The following DDX50 variants were observed in gnomAD, a reference collection of about 807,000 sequenced individuals.
DDX50 encodes the protein ATP-dependent RNA helicase DDX50.
In DDX50, 56 loss-of-function variants were observed where a neutral mutation model predicts 94.8. The ratio of observed to expected loss-of-function variants is 0.59; its 90% CI spans 0.48 to 0.74. DDX50 has a LOEUF of 0.74. Ranked by LOEUF, DDX50 falls within the 30% of genes least tolerant of loss-of-function variation. DDX50 has a pLI of 0.00. For missense variants in DDX50, 713 were observed against 881.2 expected (o/e 0.81, Z 2.42); for synonymous variants, 264 against 295.4 (o/e 0.89, Z 1.09).
chr10:68,920,934 T>G, intron 8 of DDX50, among the ~76,000 whole-genome samples: 1 of 111,552 alleles, frequency 9.0e-6, no homozygotes, highest in Non-Finnish European at 1.7e-5. Context: ...GATGACAGAG[T>G]GAGACTCCAT....
chr10:68,928,493 A>G (rs1331854694), intron 8 of DDX50, among the ~76,000 whole-genome samples: 4 of 152,186 alleles, frequency 2.6e-5, no homozygotes, highest in Non-Finnish European at 5.9e-5. Flanking sequence ...CAACATAGTG[A>G]GACTTCATCT....
chr10:68,925,361 C>G (rs372218179), intron 8 of DDX50, among the ~76,000 whole-genome samples: 28 of 152,004 alleles, frequency 1.8e-4, no homozygotes, highest in African/African-American at 6.7e-4. Context: ...CCACCCGCCT[C>G]GGCCTCCCAA....
chr10:68,936,840 CA>C (rs112454472), intron 11 of DDX50, 95 bp from the exon 12 acceptor site: 72,425 of 943,258 alleles, frequency 0.077, no homozygotes, highest in South Asian at 0.11. Context: ...GGCTCTATCT[CA>C]AAAAAAAAAA....
At chr10:68,909,470 C>G (rs892274396) in intron 2 of DDX50, among the ~76,000 whole-genome samples, 1 of 152,138 alleles carries the variant, frequency 6.6e-6, no homozygotes, top group Non-Finnish European at 1.5e-5. Flanking sequence ...AAATTTTTAA[C>G]TTATTTTCAG....
intron 1 of DDX50, among the ~76,000 whole-genome samples, chr10:68,905,431 C>G (rs1387115162): frequency 1.3e-5 from 2 of 150,830 alleles, no homozygotes; most frequent in Non-Finnish European, 2.9e-5. Flanking sequence ...TATATAGTTT[C>G]TTTTTGTTTT....
chr10:68,911,431 T>C (rs1426686148), intron 4 of DDX50, among the ~76,000 whole-genome samples, 185 bp downstream of exon 4: 1 of 152,226 alleles, frequency 6.6e-6, no homozygotes, highest in African/African-American at 2.4e-5. Context: ...TTTTTGCATA[T>C]GAATGTGATG....
chr10:68,922,604 GCA>G (rs1403266761), intron 8 of DDX50, among the ~76,000 whole-genome samples: 3 of 151,888 alleles, frequency 2.0e-5, no homozygotes, highest in Non-Finnish European at 4.4e-5. Flanking sequence ...AAAAGCCTGG[GCA>G]ATATAGCAAG....
chr10:68,927,163 C>T (rs566909251), intron 8 of DDX50, among the ~76,000 whole-genome samples: 43 of 152,220 alleles, frequency 2.8e-4, no homozygotes, highest in Non-Finnish European at 5.0e-4. Context: ...CCTCCCACCT[C>T]GGCCTCCCAA....
At chr10:68,937,188 A>G (rs143018820) in intron 12 of DDX50, 93 bp downstream of exon 12, 5 of 1,328,020 alleles carry the variant, frequency 3.8e-6, no homozygotes, top group East Asian at 5.2e-5. Flanking sequence ...TTTTGTGCAG[A>G]AAAAAACTGT....
chr10:68,938,519 C>G (rs1207913598), intron 12 of DDX50, among the ~76,000 whole-genome samples: 1 of 152,098 alleles, frequency 6.6e-6, no homozygotes, highest in African/African-American at 2.4e-5. Flanking sequence ...AAGACTAGAG[C>G]CTGCTGGTGG....
chr10:68,903,389 C>A (rs535348067), intron 1 of DDX50, among the ~76,000 whole-genome samples: 1 of 150,810 alleles, frequency 6.6e-6, no homozygotes, highest in African/African-American at 2.4e-5. Context: ...AAAATTGGGC[C>A]GGGCATGGTG....
intron 7 of DDX50, among the ~76,000 whole-genome samples, chr10:68,914,731 T>C (rs1246575902): frequency 1.3e-5 from 2 of 152,168 alleles, no homozygotes; most frequent in Non-Finnish European, 2.9e-5. Context: ...TTTTCTAACA[T>C]AGAAGTTGGG....
intron 2 of DDX50, among the ~76,000 whole-genome samples, chr10:68,908,884 A>G (rs1841545875): frequency 6.6e-6 from 1 of 152,046 alleles, no homozygotes; most frequent in African/African-American, 2.4e-5. Context: ...GGGCTCAAGT[A>G]ATCCACCCAC....
At chr10:68,901,600 C>A in intron 1 of DDX50, 129 bp downstream of exon 1, 1 of 991,658 alleles carries the variant, frequency 1.0e-6, no homozygotes, top group African/African-American at 1.7e-5. Context: ...TCGCGCCGCC[C>A]TCGGCCCTCT....
intron 2 of DDX50, among the ~76,000 whole-genome samples, chr10:68,909,562 C>G (rs1050246249): frequency 1.3e-5 from 2 of 152,042 alleles, no homozygotes; most frequent in Non-Finnish European, 2.9e-5. Context: ...TTGTCTACAT[C>G]TGTATGATTT....
intron 8 of DDX50, among the ~76,000 whole-genome samples, chr10:68,922,964 G>A (rs1216983050): frequency 2.0e-5 from 3 of 150,314 alleles, no homozygotes; most frequent in Admixed American, 1.3e-4. Flanking sequence ...GCTAGTTTTT[G>A]TATTTTTAGC....
chr10:68,938,164 T>C (rs1842469978), intron 12 of DDX50, among the ~76,000 whole-genome samples: 1 of 152,230 alleles, frequency 6.6e-6, no homozygotes, highest in Non-Finnish European at 1.5e-5. Context: ...CTGAAACTTG[T>C]ATCCCAGAAC....
chr10:68,943,910 T>A (rs905596919), intron 14 of DDX50, among the ~76,000 whole-genome samples: 6 of 152,194 alleles, frequency 3.9e-5, no homozygotes, highest in African/African-American at 1.4e-4. Flanking sequence ...TTCAAACATA[T>A]TTTTTAGATG....
intron 12 of DDX50, among the ~76,000 whole-genome samples, chr10:68,940,726 C>T (rs1055084640): frequency 1.3e-5 from 2 of 152,178 alleles, no homozygotes; most frequent in Admixed American, 1.3e-4. Context: ...CCAAGGTTTT[C>T]GTTCCAAGCT....
Sources: allele counts gnomAD v4.1 joint callset (sites outside exome capture counted in the v4.1 genomes callset), GRCh38; gene constraint gnomAD v4.1.1; transcripts MANE v1.5; gene names NCBI Gene and HGNC (gene_info 2026-07-23, HGNC 2026-07-21).